NEMF: variants seen among roughly 807,000 people sequenced by gnomAD.
NEMF encodes the protein ribosome quality control complex subunit NEMF.
Under a neutral mutation model 162.2 loss-of-function variants are expected in NEMF, and 89 were observed. That is an observed-to-expected ratio of 0.55 (90% confidence interval 0.46 to 0.65). The LOEUF (loss-of-function observed/expected upper bound fraction) is 0.65, where lower values mean the gene tolerates loss of function less well. Among genes scored for constraint, NEMF ranks in the 30% least tolerant of loss-of-function variants. The pLI is 0.00. For missense variants in NEMF, 1,133 were observed against 1,261.9 expected (o/e 0.90, Z 1.55); for synonymous variants, 421 against 404.5 (o/e 1.04, Z -0.49).
intron 4 of NEMF, among the ~76,000 whole-genome samples, chr14:49,844,062 G>A (rs1423541349): frequency 6.6e-6 from 1 of 150,770 alleles, no homozygotes; most frequent in Non-Finnish European, 1.5e-5. Context: ...TCACACCCTT[G>A]CACTGCAGCC....
chr14:49,799,605 G>C lies in NEMF; in HGVS notation c.2415+31C>G. 3.1e-6 allele frequency: 5 copies of C among 1,600,888 alleles called. No homozygotes were observed. In the Middle Eastern group the frequency reaches 5.0e-4, roughly 160 times the overall value. ...GTAGAAAATTATTCACTGAGAATCG[G>C]ATGTTCTTCATAAAACTGAAAATAG... On this transcript the variant is annotated intron_variant, in intron 24 of 32. Coordinates refer to ENST00000298310, the MANE Select transcript of NEMF (RefSeq NM_004713.6).
intron 28 of NEMF, among the ~76,000 whole-genome samples, chr14:49,788,765 G>C (rs1368652183): frequency 6.6e-6 from 1 of 151,972 alleles, no homozygotes; most frequent in Non-Finnish European, 1.5e-5. Context: ...CACCACGTTA[G>C]CCAGCATGGT....
rs1870108600 is a variant in NEMF at position 49,786,397 on chromosome 14, G to A, written c.2928+321C>T. 1.8e-5 allele frequency: 5 copies of A among 277,428 alleles called. No individual in the cohort carries two copies. In the South Asian group the frequency reaches 2.7e-4, roughly 15 times the overall value. The allele number at this position is 277,428 out of a possible 1,614,324, so 17.2% of individuals were successfully genotyped here. A position where few individuals can be genotyped will look rare whatever the true frequency, so the allele number is the denominator to read the frequency against. ...GATTTAGGACAGAATGCTTGGTGCT[G>A]AAGTATAATTAATATTTGAGTGTTT... On this transcript the variant is annotated intron_variant, in intron 29 of 32. Coordinates refer to ENST00000298310, the MANE Select transcript of NEMF (RefSeq NM_004713.6).
intron 5 of NEMF, among the ~76,000 whole-genome samples, chr14:49,838,835 T>C (rs923479301): frequency 3.3e-5 from 5 of 152,090 alleles, no homozygotes; most frequent in South Asian, 4.1e-4. Context: ...CCGCCCACCT[T>C]GGCCTCCCAA....
At chr14:49,847,843 C>A (rs1893585340) in intron 3 of NEMF, among the ~76,000 whole-genome samples, 1 of 151,514 alleles carries the variant, frequency 6.6e-6, no homozygotes, top group Admixed American at 6.6e-5. Flanking sequence ...ACCAGCCTGG[C>A]CAATATGGTG....
chr14:49,831,438 T>A (rs1892632673), intron 10 of NEMF, 77 bp from the exon 11 acceptor site: 2 of 887,308 alleles, frequency 2.3e-6, no homozygotes, highest in Non-Finnish European at 3.6e-6. Context: ...GAATTTTATT[T>A]TTTTTTTCTT....
intron 29 of NEMF, among the ~76,000 whole-genome samples, 178 bp downstream of exon 29, chr14:49,786,540 T>C (rs905208490): frequency 6.6e-6 from 1 of 152,214 alleles, no homozygotes; most frequent in Non-Finnish European, 1.5e-5. Context: ...GCACAAAGAA[T>C]GTTTCCAAGT....
At chr14:49,789,941 A>G (rs1890362878) in intron 26 of NEMF, among the ~76,000 whole-genome samples, 1 of 152,180 alleles carries the variant, frequency 6.6e-6, no homozygotes. Context: ...ACAGGAAATA[A>G]AGCAGCAAAG....
At position 49,800,627 on chromosome 14, in the gene NEMF, G is replaced by A; in HGVS notation, c.2165C>T (p.Thr722Ile). The change falls in exon 23 of 33, where the codon ACT becomes ATT. Residue 722 changes from threonine (T) to isoleucine (I), a missense_variant. Thr to Ile is a moderately conservative substitution (Grantham distance 89). Around this residue, in one of 3 missense-constraint regions of NEMF, gnomAD observed 532 missense variants for 578.6 expected, o/e 0.92. Transcript: ENST00000298310. The stretch of plus-strand genomic sequence containing the variant: ...AGTGATATCCTCTTGGTCAACCTGA[G>A]TCATGAGTTCTACTTCCACAGGAGT... ...HETPVEVELM[T>I]QVDQEDITLQ... 1 of 1,613,838 alleles carries A rather than the reference G, an allele frequency of 6.2e-7. No individual in the cohort carries two copies. Among genetic ancestry groups the A allele is most frequent in the Non-Finnish European group, 8.5e-7 (1 of 1,179,834 alleles).
In NEMF at chr14:49,840,746, C is replaced by G. The variant is rs1464183238; in HGVS notation, c.478G>C (p.Ala160Pro). The change falls in exon 5 of 33, where the codon GCT (alanine) becomes CCT (proline). Residue 160 changes from alanine (A) to proline (P), a missense_variant. Ala to Pro is a conservative substitution (Grantham distance 27, BLOSUM62 -1). This residue lies in a region of NEMF where 582 missense variants were observed against 631.5 expected (regional missense o/e 0.92). Coordinates refer to ENST00000298310, the MANE Select transcript of NEMF (RefSeq NM_004713.6). ...RERYPLDHAR[A>P]AEPLLTLERL... ...TCCAAAGTAAGCAAAGGTTCAGCAG[C>G]TCTAGCATGATCAAGTGGATAGCGT... 1 of 1,613,772 alleles carries G rather than the reference C, an allele frequency of 6.2e-7. No individual in the cohort carries two copies. The highest frequency in any genetic ancestry group is 2.2e-5 in the East Asian group (1 of 44,866).
rs371020053 is a variant in NEMF, at chr14:49,806,680, C to T, written c.1745-547G>A. Among the ~76,000 whole-genome samples the T allele has an allele frequency of 5.7e-4, 87 of 152,098 alleles. 1 individual carries two copies. The South Asian group carries it at 0.014, about 25-fold the overall frequency. On this transcript the variant is annotated intron_variant, in intron 18 of 32. Coordinates refer to ENST00000298310, the MANE Select transcript of NEMF (RefSeq NM_004713.6). The stretch of plus-strand genomic sequence containing the variant: ...ACAGAGCAAGCTTTTAAATGACCTA[C>T]GTAAATAAAACATGTCAGAGAAGAA...
intron 25 of NEMF, among the ~76,000 whole-genome samples, chr14:49,796,700 C>T (rs759678992): frequency 1.1e-4 from 17 of 152,194 alleles, no homozygotes; most frequent in Non-Finnish European, 2.4e-4. Context: ...GTCACATTCT[C>T]TTCGTATCAC....
rs147763528 is a variant in NEMF, at chr14:49,819,548, G to A, written c.1578-4691C>T. 3.0e-4 allele frequency among the ~76,000 whole-genome samples: 45 copies of A among 151,888 alleles called. No individual in the cohort carries two copies. The East Asian group carries it at 7.8e-3, about 26-fold the overall frequency. ...TCCCACCTCAGCCTTTCAAGTAGCT[G>A]GGACTACAGGTGTGCACAACCACAC... is the stretch of plus-strand genomic sequence containing the variant. On this transcript the variant is annotated intron_variant, in intron 16 of 32. Coordinates refer to ENST00000298310, the MANE Select transcript of NEMF (RefSeq NM_004713.6).
chr14:49,832,315 A>G (rs369749721), intron 8 of NEMF, 38 bp from the exon 9 acceptor site: 3 of 1,359,824 alleles, frequency 2.2e-6, no homozygotes, highest in Non-Finnish European at 2.0e-6. Flanking sequence ...CCTATTCATA[A>G]TTAACAAAGA....
At position 49,829,036 on chromosome 14, in the gene NEMF, A is replaced by T. The variant is rs1892508346; in HGVS notation, c.1232+18T>A. ...AATAAAGACAAGCATTAACTGCTTG[A>T]CTAAGAGTCAAACTTACCTTAGCAG... On this transcript the variant is annotated intron_variant, in intron 13 of 32. Transcript: ENST00000298310. The T allele has an allele frequency of 3.8e-6, 6 of 1,598,678 alleles. No individual in the cohort carries two copies. In the East Asian group the frequency reaches 1.3e-4, roughly 36 times the overall value.
intron 4 of NEMF, among the ~76,000 whole-genome samples, chr14:49,843,026 A>G (rs930651107): frequency 2.0e-5 from 3 of 152,106 alleles, no homozygotes; most frequent in African/African-American, 7.2e-5. Context: ...AAAAATAAAA[A>G]AAAAGAAAGA....
chr14:49,799,648 T>C lies in NEMF; in HGVS notation c.2403A>G (p.Glu801=), dbSNP rs548744392. 18 of 1,612,242 alleles carry C rather than the reference T, an allele frequency of 1.1e-5. No individual in the cohort carries two copies. Among genetic ancestry groups the C allele is most frequent in the Non-Finnish European group, 1.5e-5 (18 of 1,179,406 alleles). ...GAAAATAGCTTACAGAATTAGAAGA[T>C]TCCTCTTTTGAAGCCAATTTCTGGA... is the stretch of plus-strand genomic sequence containing the variant. The part of the protein sequence containing the change: ...RSIQKLASKE[E]SSNSSDSKSQ... Residue 801 remains glutamate (E), a synonymous_variant, in exon 24 of 33, where the codon GAA becomes GAG. Transcript: ENST00000298310.
At chr14:49,808,900 C>A (rs2139885537) in intron 18 of NEMF, among the ~76,000 whole-genome samples, 1 of 152,182 alleles carries the variant, frequency 6.6e-6, no homozygotes, top group South Asian at 2.1e-4. Flanking sequence ...CGAAGATATA[C>A]ATATGAATAT....
chr14:49,834,150 G>A (rs538008617), intron 7 of NEMF: 26 of 593,488 alleles, frequency 4.4e-5, no homozygotes, highest in South Asian at 4.1e-4. Context: ...GAGTGCAGCT[G>A]TGCAGTCACC....
Sources: gnomAD v4.1 joint callset for allele counts (sites outside exome capture counted in the v4.1 genomes callset) on GRCh38, gnomAD v4.1.1 for gene constraint, gnomAD v4.1.1 regional missense constraint, MANE v1.5 for transcripts, NCBI Gene and HGNC (gene_info 2026-07-23, HGNC 2026-07-21) for gene names.